The following CDC42SE2 variants were observed in gnomAD, a reference collection of about 807,000 sequenced individuals.
CDC42SE2 encodes the protein CDC42 small effector 2, also known as CDC42 small effector protein 2.
In CDC42SE2, 3 loss-of-function variants were observed where a neutral mutation model predicts 11.5. That is an observed-to-expected ratio of 0.26 (90% CI 0.12 to 0.67). CDC42SE2 has a LOEUF of 0.67. CDC42SE2 is among the 30% of genes least tolerant of loss of function. CDC42SE2 has a pLI of 0.80. For missense variants in CDC42SE2, 82 were observed against 106.8 expected (o/e 0.77, Z 1.02); for synonymous variants, 33 against 34.8 (o/e 0.95, Z 0.18).
At chr5:131,387,669 GCTTA>G (rs1750528320) in intron 4 of CDC42SE2, among the ~76,000 whole-genome samples, 3 of 152,076 alleles carry the variant, frequency 2.0e-5, no homozygotes, top group African/African-American at 7.2e-5. Flanking sequence ...CCTGTCATTG[GCTTA>G]CTATTTTTTT....
chr5:131,283,485 A>G (rs965700578), intron 1 of CDC42SE2, among the ~76,000 whole-genome samples: 3 of 151,486 alleles, frequency 2.0e-5, no homozygotes, highest in Non-Finnish European at 4.4e-5. Flanking sequence ...AGCATGTATC[A>G]GTACATCATT....
At chr5:131,251,519 C>T (rs1756638195) in intron 1 of CDC42SE2, among the ~76,000 whole-genome samples, 1 of 151,946 alleles carries the variant, frequency 6.6e-6, no homozygotes, top group Non-Finnish European at 1.5e-5. Context: ...ATTTAACATG[C>T]TTTTTAGTAA....
intron 2 of CDC42SE2, among the ~76,000 whole-genome samples, chr5:131,326,408 T>C (rs193047043): frequency 1.5e-3 from 221 of 152,352 alleles, no homozygotes; most frequent in Middle Eastern, 0.014. Flanking sequence ...TATTGTAAGA[T>C]AATGCAATGT....
chr5:131,226,439 T>C, the CDC42SE2 span, among the ~76,000 whole-genome samples: 7 of 152,334 alleles, frequency 4.6e-5, 1 homozygote, highest in South Asian at 1.4e-3. Flanking sequence ...GCCAAGTTCC[T>C]GAAGGAATAA....
At chr5:131,390,017 A>G (rs898434891) in intron 4 of CDC42SE2, among the ~76,000 whole-genome samples, 1 of 152,222 alleles carries the variant, frequency 6.6e-6, no homozygotes, top group Non-Finnish European at 1.5e-5. Context: ...CCTTTGTTTC[A>G]GCAAAAAGAA....
chr5:131,250,898 T>C (rs1446545765), intron 1 of CDC42SE2, among the ~76,000 whole-genome samples: 1 of 152,032 alleles, frequency 6.6e-6, no homozygotes, highest in African/African-American at 2.4e-5. Flanking sequence ...TATGGTAATA[T>C]TGGCTCAGCA....
At chr5:131,281,721 G>C (rs569836626) in intron 1 of CDC42SE2, among the ~76,000 whole-genome samples, 4 of 152,254 alleles carry the variant, frequency 2.6e-5, no homozygotes, top group African/African-American at 9.6e-5. Context: ...TAGTCATTTA[G>C]CTTGGAAAGC....
At chr5:131,315,709 C>T (rs1485943098) in intron 1 of CDC42SE2, among the ~76,000 whole-genome samples, 3 of 152,120 alleles carry the variant, frequency 2.0e-5, no homozygotes, top group Non-Finnish European at 4.4e-5. Flanking sequence ...TAGTGTGGGT[C>T]CACCAAAGGT....
intron 3 of CDC42SE2, among the ~76,000 whole-genome samples, chr5:131,378,779 C>T (rs916608493): frequency 1.3e-5 from 2 of 152,216 alleles, no homozygotes; most frequent in African/African-American, 4.8e-5. Context: ...AACACCACCA[C>T]CTTCTTTTCT....
intron 1 of CDC42SE2, among the ~76,000 whole-genome samples, chr5:131,282,588 A>G (rs1757258537): frequency 2.0e-5 from 3 of 151,866 alleles, no homozygotes; most frequent in Non-Finnish European, 2.9e-5. Context: ...TCCTTCCTTA[A>G]TGACACCCTA....
intron 2 of CDC42SE2, among the ~76,000 whole-genome samples, chr5:131,350,162 A>G (rs1758967784): frequency 1.3e-5 from 2 of 152,080 alleles, no homozygotes; most frequent in Admixed American, 1.3e-4. Flanking sequence ...CCTTCTATGT[A>G]GCAAATGAGC....
intron 1 of CDC42SE2, among the ~76,000 whole-genome samples, chr5:131,305,400 G>T (rs1292434899): frequency 6.6e-6 from 1 of 152,202 alleles, no homozygotes; most frequent in African/African-American, 2.4e-5. Flanking sequence ...AACCTGGGCA[G>T]TAAGTATAGA....
chr5:131,257,316 C>CA (rs1023307844), intron 2 of CDC42SE2, among the ~76,000 whole-genome samples: 2 of 152,060 alleles, frequency 1.3e-5, no homozygotes, highest in African/African-American at 4.8e-5. Context: ...AGGCCGGTCT[C>CA]AAACTCCTGA....
intron 1 of CDC42SE2, among the ~76,000 whole-genome samples, chr5:131,289,871 G>A (rs1298409428): frequency 2.0e-5 from 3 of 151,568 alleles, no homozygotes; most frequent in South Asian, 2.1e-4. Flanking sequence ...ACAGGGACTC[G>A]CTCTGTCACC....
rs538221935 is a variant in CDC42SE2, at chr5:131,378,201, G to C, written c.55-7342G>C. ...ATGAGTAGGGAGAGACTTGGGGCAA[G>C]GGTGTTTCATATAGTTTGTTGACAT... On this transcript the variant is annotated intron_variant, in intron 3 of 4. Transcript: ENST00000505065. Among the ~76,000 whole-genome samples the C allele has an allele frequency of 2.8e-4, 42 of 152,278 alleles. No homozygotes were observed. The South Asian group carries it at 8.7e-3, about 32-fold the overall frequency.
At chr5:131,300,540 T>C (rs887694357) in intron 1 of CDC42SE2, among the ~76,000 whole-genome samples, 2 of 152,114 alleles carry the variant, frequency 1.3e-5, no homozygotes, top group Admixed American at 1.3e-4. Context: ...ATCCCAGCAC[T>C]TTGGGAGGCC....
At position 131,393,580 on chromosome 5, in the gene CDC42SE2, C is replaced by T. The variant is rs1021255302; in HGVS notation, c.*2489C>T. 1.3e-5 allele frequency: 2 copies of T among 152,362 alleles called. No individual in the cohort carries two copies. Among genetic ancestry groups the T allele is most frequent in the African/African-American group, 4.8e-5 (2 of 41,448 alleles). 9.4% of individuals were successfully genotyped at this position (152,362 alleles called of 1,614,324 possible). On this transcript the variant is annotated 3_prime_UTR_variant, in exon 5 of 5. Coordinates refer to ENST00000505065, the MANE Select transcript of CDC42SE2 (RefSeq NM_001375635.1). ...GAGTACTGTTGTCATTCTGCTCAGC[C>T]AGGCACGGTCAGTTTCTTGGCCAGG...
chr5:131,327,602 T>G (rs958674153), intron 2 of CDC42SE2, among the ~76,000 whole-genome samples: 1 of 152,238 alleles, frequency 6.6e-6, no homozygotes, highest in African/African-American at 2.4e-5. Context: ...TCAAAACTTT[T>G]AAAATACAGG....
upstream of CDC42SE2, among the ~76,000 whole-genome samples, chr5:131,244,228 T>G (rs1196600658): frequency 6.6e-6 from 1 of 152,232 alleles, no homozygotes; most frequent in African/African-American, 2.4e-5. Flanking sequence ...CAAATACGAT[T>G]AGACAAAATT....
Sources: gnomAD v4.1 joint callset for allele counts (sites outside exome capture counted in the v4.1 genomes callset) on GRCh38, gnomAD v4.1.1 for gene constraint, MANE v1.5 for transcripts, NCBI Gene and HGNC (gene_info 2026-07-23, HGNC 2026-07-21) for gene names.